Variants in PTPRC observed in about 807,000 individuals in gnomAD.
The protein encoded by PTPRC is protein tyrosine phosphatase receptor type C.
Under a neutral mutation model 155.9 loss-of-function variants are expected in PTPRC, and 44 were observed. That is an observed-to-expected ratio of 0.28 (90% CI 0.22 to 0.36). PTPRC has a LOEUF of 0.36. Among genes scored for constraint, PTPRC ranks in the 10% least tolerant of loss-of-function variants. PTPRC has a pLI of 1.00. For synonymous variants in PTPRC, 525 were observed against 533.1 expected, an observed-to-expected ratio of 0.98 and a Z score of 0.21; for missense variants, 1,401 against 1,564.6, an observed-to-expected ratio of 0.90 and a Z score of 1.76.
At chr1:198,716,432 T>C (rs1356733587) in intron 12 of PTPRC, among the ~76,000 whole-genome samples, 5 of 152,214 alleles carry the variant, frequency 3.3e-5, no homozygotes, top group Non-Finnish European at 2.9e-5. Context: ...TATTAAATAT[T>C]TTATGTACCA....
chr1:198,687,472 T>G lies in PTPRC; in HGVS notation c.74-4875T>G, dbSNP rs188155369. On this transcript the variant is annotated intron_variant, in intron 2 of 32. Coordinates refer to ENST00000442510, the MANE Select transcript of PTPRC (RefSeq NM_002838.5). The stretch of plus-strand genomic sequence containing the variant: ...AGAATTAATAAATTATTGCAGATAT[T>G]TGGTTTTATAGTTTTCTCTAAATAG... Among the ~76,000 whole-genome samples the G allele has an allele frequency of 2.8e-3, 421 of 152,264 alleles. 1 individual carries two copies. Among genetic ancestry groups the G allele is most frequent in the African/African-American group, 8.3e-3 (343 of 41,556 alleles).
At chr1:198,706,656 T>C in intron 8 of PTPRC, 78 bp from the exon 9 acceptor site, 1 of 1,467,802 alleles carries the variant, frequency 6.8e-7, no homozygotes, top group Non-Finnish European at 9.4e-7. Flanking sequence ...GGTTAGTTGA[T>C]TTGATATTTT....
intron 23 of PTPRC, among the ~76,000 whole-genome samples, chr1:198,737,195 T>C (rs1654684407): frequency 6.6e-6 from 1 of 151,772 alleles, no homozygotes; most frequent in South Asian, 2.1e-4. Flanking sequence ...TCTAACTTGA[T>C]GTAATTCTAC....
chr1:198,741,154 G>A (rs1654881821), intron 23 of PTPRC, among the ~76,000 whole-genome samples: 1 of 151,788 alleles, frequency 6.6e-6, no homozygotes, highest in Non-Finnish European at 1.5e-5. Flanking sequence ...TGGGTTTACT[G>A]GTGTTAATTA....
intron 17 of PTPRC, among the ~76,000 whole-genome samples, chr1:198,730,176 C>T (rs577374426): frequency 3.3e-5 from 5 of 152,162 alleles, no homozygotes; most frequent in Non-Finnish European, 7.4e-5. Flanking sequence ...CTTGCTTTCT[C>T]ATGCTTAAGA....
At chr1:198,653,921 A>C (rs575219503) in intron 2 of PTPRC, among the ~76,000 whole-genome samples, 3 of 152,030 alleles carry the variant, frequency 2.0e-5, no homozygotes, top group African/African-American at 7.2e-5. Flanking sequence ...AATGTTATTC[A>C]GTGCCATAAC....
chr1:198,691,078 C>T (rs184042927), intron 2 of PTPRC, among the ~76,000 whole-genome samples: 284 of 152,164 alleles, frequency 1.9e-3, no homozygotes, highest in Non-Finnish European at 3.0e-3. Flanking sequence ...AATTTGATTA[C>T]CTATGCTGGC....
At chr1:198,645,452 T>C (rs973677286) in intron 2 of PTPRC, among the ~76,000 whole-genome samples, 1 of 151,792 alleles carries the variant, frequency 6.6e-6, no homozygotes, top group Non-Finnish European at 1.5e-5. Flanking sequence ...ACATCTGTAG[T>C]GATAAATATT....
At chr1:198,650,099 C>T (rs917145027) in intron 2 of PTPRC, among the ~76,000 whole-genome samples, 9 of 151,614 alleles carry the variant, frequency 5.9e-5, no homozygotes, top group African/African-American at 1.5e-4. Context: ...TTGGTAGGTT[C>T]GAGGCACAGA....
At position 198,752,361 on chromosome 1, in the gene PTPRC, G is replaced by C. The variant is rs769853264; in HGVS notation, c.3320G>C (p.Arg1107Thr). 1.9e-6 allele frequency: 3 copies of C among 1,612,684 alleles called. No individual in the cohort carries two copies. Among genetic ancestry groups the C allele is most frequent in the South Asian group, 1.1e-5 (1 of 91,058 alleles). ...STYTLRVFEL[R>T]HSKRKDSRTV... Reference sequence around the variant, plus strand: ...TATACCCTTCGTGTCTTTGAACTGAGACATTCCAAGGTATGGAAACAATTT... The same window carrying C: ...TATACCCTTCGTGTCTTTGAACTGACACATTCCAAGGTATGGAAACAATTT... The change falls in exon 30 of 33, where the codon AGA becomes ACA. Residue 1107 changes from arginine (R) to threonine (T), a missense_variant. Physicochemically the swap from Arg to Thr is moderately conservative, Grantham distance 71. This residue lies in a region of PTPRC where 400 missense variants were observed against 389.5 expected (regional missense o/e 1.03). Coordinates refer to ENST00000442510, the MANE Select transcript of PTPRC (RefSeq NM_002838.5).
At chr1:198,682,875 T>A (rs372054995) in intron 2 of PTPRC, among the ~76,000 whole-genome samples, 14 of 152,332 alleles carry the variant, frequency 9.2e-5, no homozygotes, top group South Asian at 6.2e-4. Context: ...CAATTTACAC[T>A]TTTTAACAAT....
In PTPRC at chr1:198,747,834, A is replaced by G. The variant is rs149693960; in HGVS notation, c.2848-275A>G. Among the ~76,000 whole-genome samples the G allele has an allele frequency of 2.4e-4, 36 of 151,996 alleles. No homozygotes were observed. In the East Asian group the frequency reaches 7.0e-3, roughly 30 times the overall value. ...AGTGGTTTCAATTTATATAAGAACA[A>G]ACTATATTATTTTTCTATCAAGCAG... is the stretch of plus-strand genomic sequence containing the variant. On this transcript the variant is annotated intron_variant, in intron 26 of 32. Coordinates refer to ENST00000442510, the MANE Select transcript of PTPRC (RefSeq NM_002838.5).
intron 26 of PTPRC, among the ~76,000 whole-genome samples, chr1:198,746,470 A>G (rs1322919817): frequency 6.7e-6 from 1 of 148,372 alleles, no homozygotes; most frequent in African/African-American, 2.5e-5. Context: ...TGGTGGAAAG[A>G]AAAAAAAAAG....
chr1:198,749,174 CTT>C (rs1655268276), intron 27 of PTPRC, among the ~76,000 whole-genome samples: 1 of 151,446 alleles, frequency 6.6e-6, no homozygotes, highest in African/African-American at 2.4e-5. Flanking sequence ...TATGATATCT[CTT>C]TGTTGTTTGA....
intron 15 of PTPRC, among the ~76,000 whole-genome samples, chr1:198,724,780 T>A (rs548381546): frequency 6.6e-6 from 1 of 152,034 alleles, no homozygotes; most frequent in South Asian, 2.1e-4. Context: ...TACCTGAATT[T>A]TTTGTTTGTT....
chr1:198,674,157 C>A (rs1255970249), intron 2 of PTPRC, among the ~76,000 whole-genome samples: 1 of 152,144 alleles, frequency 6.6e-6, no homozygotes, highest in African/African-American at 2.4e-5. Flanking sequence ...AATGACCCAG[C>A]CTCTTTGGCT....
At chr1:198,698,508 G>A (rs1319155880) in intron 4 of PTPRC, among the ~76,000 whole-genome samples, 1 of 151,778 alleles carries the variant, frequency 6.6e-6, no homozygotes, top group African/African-American at 2.4e-5. Flanking sequence ...TGATATAATT[G>A]GGGGAAAATC....
At chr1:198,675,512 G>A (rs1200944677) in intron 2 of PTPRC, among the ~76,000 whole-genome samples, 1 of 152,042 alleles carries the variant, frequency 6.6e-6, no homozygotes, top group Non-Finnish European at 1.5e-5. Flanking sequence ...TCATCATAAA[G>A]AGACAAAATA....
chr1:198,755,550 C>T (rs181157192), intron 32 of PTPRC, among the ~76,000 whole-genome samples: 158 of 152,060 alleles, frequency 1.0e-3, no homozygotes, highest in South Asian at 2.5e-3. Context: ...AATCAAGAAA[C>T]GCTTCTCGAA....
Sources: gnomAD v4.1 joint callset for allele counts (sites outside exome capture counted in the v4.1 genomes callset) on GRCh38, gnomAD v4.1.1 for gene constraint, gnomAD v4.1.1 regional missense constraint, MANE v1.5 for transcripts, NCBI Gene and HGNC (gene_info 2026-07-23, HGNC 2026-07-21) for gene names.